Variants in KIF26B observed in about 807,000 individuals in gnomAD.
KIF26B encodes the protein kinesin family member 26B.
Under a neutral mutation model 151.2 loss-of-function variants are expected in KIF26B, and 63 were observed. The observed-to-expected ratio is 0.42, with a 90% confidence interval of 0.34 to 0.51. The LOEUF (loss-of-function observed/expected upper bound fraction) is 0.51. KIF26B is among the 20% of genes least tolerant of loss of function. KIF26B has a pLI of 0.07. For missense variants in KIF26B, 2,813 were observed against 2,913.6 expected (o/e 0.97, Z 0.79); for synonymous variants, 1,357 against 1,262.1 (o/e 1.08, Z -1.59).
In KIF26B at chr1:245,687,887, C is replaced by A; in HGVS notation, c.4904C>A (p.Ala1635Glu). ...SPLNQPAAFPAGLPDEPSGKT... is the reference protein window; with the variant it reads ...SPLNQPAAFPEGLPDEPSGKT... ...CTGAACCAACCAGCCGCCTTCCCGG[C>A]GGGCCTCCCAGACGAGCCTAGCGGC... is the stretch of plus-strand genomic sequence containing the variant. The change falls in exon 12 of 15, where the codon GCG (alanine) becomes GAG (glutamate). Residue 1635 changes from alanine to glutamate, a missense_variant. Physicochemically the swap from Ala to Glu is moderately radical, Grantham distance 107. Coordinates refer to ENST00000407071, the MANE Select transcript of KIF26B (RefSeq NM_018012.4). This position sits in a 1 kb window ranked among gnomAD's most constrained non-coding sequence, Gnocchi z 4.9. The A allele has an allele frequency of 1.3e-6, 2 of 1,590,966 alleles. No individual in the cohort carries two copies. The highest frequency in any genetic ancestry group is 1.7e-6 in the Non-Finnish European group (2 of 1,170,400).
chr1:245,670,071 C>A (rs2044264230), intron 10 of KIF26B, among the ~76,000 whole-genome samples: 1 of 152,036 alleles, frequency 6.6e-6, no homozygotes, highest in African/African-American at 2.4e-5. Context: ...TCTCAGACCT[C>A]ACCACTATAC....
chr1:245,652,103 T>TGTGTGG lies in KIF26B; in HGVS notation c.2258+5828_2258+5829insGGTGTG, dbSNP rs2044022978. Among the ~76,000 whole-genome samples the TGTGTGG allele has an allele frequency of 8.6e-4, 8 of 9,356 alleles. No individual in the cohort carries two copies. In the South Asian group the frequency reaches 0.047, roughly 55 times the overall value. 6.1% of individuals were successfully genotyped at this position (9,356 alleles called of 152,430 possible). A position where few individuals can be genotyped will look rare whatever the true frequency, so the allele number is the denominator to read the frequency against. On this transcript the variant is annotated intron_variant, in intron 10 of 14. Transcript: ENST00000407071. ...AAACGGAGAGGTTCATGTAAGAATC[T>TGTGTGG]GTGTGTGTGTGTGTGTGTGTGTGTG...
intron 9 of KIF26B, among the ~76,000 whole-genome samples, chr1:245,645,738 A>T (rs1203198368): frequency 6.6e-6 from 1 of 152,214 alleles, no homozygotes; most frequent in African/African-American, 2.4e-5. Flanking sequence ...CTCATGAGCC[A>T]TTCAGGTTTT....
At chr1:245,654,590 G>A (rs1372360665) in intron 10 of KIF26B, among the ~76,000 whole-genome samples, 1 of 152,234 alleles carries the variant, frequency 6.6e-6, no homozygotes, top group East Asian at 1.9e-4. Context: ...CACTTCCCAC[G>A]CCGCACTGAT....
intron 9 of KIF26B, among the ~76,000 whole-genome samples, chr1:245,627,043 AATAG>A (rs1252470084): frequency 6.6e-6 from 1 of 152,132 alleles, no homozygotes; most frequent in East Asian, 1.9e-4. Context: ...GTTGGCTGTA[AATAG>A]ATAGATTTAT....
At chr1:245,299,782 C>T (rs945538722) in intron 2 of KIF26B, among the ~76,000 whole-genome samples, 1 of 152,162 alleles carries the variant, frequency 6.6e-6, no homozygotes, top group East Asian at 1.9e-4. Flanking sequence ...AAATCCCATT[C>T]GAGTAAATAA....
At chr1:245,213,833 C>G (rs374430570) in intron 2 of KIF26B, among the ~76,000 whole-genome samples, 4 of 152,304 alleles carry the variant, frequency 2.6e-5, no homozygotes, top group African/African-American at 9.6e-5. Context: ...GAGGATGGAG[C>G]CTGGGGCTAC....
At position 245,686,356 on chromosome 1, in the gene KIF26B, C is replaced by T. The variant is rs930866001; in HGVS notation, c.3373C>T (p.Arg1125Cys). The change falls in exon 12 of 15, where the codon CGT becomes TGT. Residue 1125 changes from arginine to cysteine, a missense_variant. Transcript: ENST00000407071. This position sits in a 1 kb window ranked among gnomAD's most constrained non-coding sequence, Gnocchi z 5.6. ...SRESLLQPEV[R>C]TPPVGMSPQV... ...GGAGTCCTTGCTGCAGCCCGAGGTG[C>T]GTACGCCCCCGGTTGGAATGAGCCC... 13 of 1,613,226 alleles carry T rather than the reference C, an allele frequency of 8.1e-6. No homozygotes were observed. The highest frequency in any genetic ancestry group is 4.5e-5 in the East Asian group (2 of 44,884).
At chr1:245,177,069 C>T (rs543482122) in intron 2 of KIF26B, among the ~76,000 whole-genome samples, 1 of 152,334 alleles carries the variant, frequency 6.6e-6, no homozygotes, top group East Asian at 1.9e-4. Flanking sequence ...ATCTGCTTGC[C>T]TCAGCCTCCT....
At chr1:245,332,618 T>C (rs1483766659) in intron 2 of KIF26B, among the ~76,000 whole-genome samples, 1 of 152,086 alleles carries the variant, frequency 6.6e-6, no homozygotes, top group Non-Finnish European at 1.5e-5. Flanking sequence ...ACTGCTGACA[T>C]GTTGTGAGTC....
At chr1:245,189,375 A>G (rs1482300754) in intron 2 of KIF26B, among the ~76,000 whole-genome samples, 1 of 152,202 alleles carries the variant, frequency 6.6e-6, no homozygotes, top group African/African-American at 2.4e-5. Flanking sequence ...AAAGATAATG[A>G]TGTTTCCTAG....
At chr1:245,697,927 A>G (rs144352248) in intron 12 of KIF26B, among the ~76,000 whole-genome samples, 179 bp from the exon 13 acceptor site, 53 of 150,212 alleles carry the variant, frequency 3.5e-4, no homozygotes, top group African/African-American at 1.3e-3. Context: ...TGTTATCCCA[A>G]CTACTTAGGA....
intron 5 of KIF26B, among the ~76,000 whole-genome samples, chr1:245,544,423 C>T (rs766581687): frequency 3.3e-5 from 5 of 152,094 alleles, no homozygotes; most frequent in African/African-American, 9.7e-5. Flanking sequence ...AGTGTTGTCA[C>T]CCAGCCGGAC....
intron 4 of KIF26B, among the ~76,000 whole-genome samples, chr1:245,471,262 C>A (rs1312264287): frequency 6.6e-6 from 1 of 152,016 alleles, no homozygotes; most frequent in Non-Finnish European, 1.5e-5. Flanking sequence ...TCCCGAGTAG[C>A]TGGGATTACA....
chr1:245,693,430 G>A (rs990956796), intron 12 of KIF26B, among the ~76,000 whole-genome samples: 2 of 152,196 alleles, frequency 1.3e-5, no homozygotes, highest in African/African-American at 4.8e-5. Context: ...ATTCATTGAT[G>A]GGCTGGTTGC....
At chr1:245,349,133 T>G (rs1292444489) in intron 2 of KIF26B, among the ~76,000 whole-genome samples, 1 of 152,156 alleles carries the variant, frequency 6.6e-6, no homozygotes, top group Non-Finnish European at 1.5e-5. Flanking sequence ...GTATAATAGG[T>G]GCTCGATAAA....
intron 3 of KIF26B, among the ~76,000 whole-genome samples, chr1:245,397,902 G>A (rs1001610306): frequency 2.6e-5 from 4 of 152,190 alleles, no homozygotes; most frequent in South Asian, 2.1e-4. Context: ...GCATGTGGAC[G>A]AGGTCCAGAT....
rs1188478355 is a variant in KIF26B at position 245,307,886 on chromosome 1, G to A, written c.466-58948G>A. 3.3e-5 allele frequency among the ~76,000 whole-genome samples: 5 copies of A among 152,220 alleles called. No homozygotes were observed. The East Asian group carries it at 9.6e-4, about 29-fold the overall frequency. On this transcript the variant is annotated intron_variant, in intron 2 of 14. Coordinates refer to ENST00000407071, the MANE Select transcript of KIF26B (RefSeq NM_018012.4). ...CTCCCAAGTAGCTGGGACTACAGGT[G>A]CCCGCCACCACGCCCGGCTAATTTT...
rs10924121 is a variant in KIF26B, at chr1:245,218,700, A to G, written c.465+62017A>G. 0.21 allele frequency among the ~76,000 whole-genome samples: 32,332 copies of G among 152,118 alleles called. 3,776 individuals are homozygous for G. Among genetic ancestry groups the G allele is most frequent in the East Asian group, 0.53 (2,765 of 5,176 alleles). On this transcript the variant is annotated intron_variant, in intron 2 of 14. Coordinates refer to ENST00000407071, the MANE Select transcript of KIF26B (RefSeq NM_018012.4). This position sits in a 1 kb window ranked among gnomAD's most constrained non-coding sequence, Gnocchi z 4.1. ...AATGTCTATTTCACATGTGCGCTCT[A>G]GCTCAGAATTTTAATAAGCAAATAT...
Sources: allele counts gnomAD v4.1 joint callset (sites outside exome capture counted in the v4.1 genomes callset), GRCh38; gene constraint gnomAD v4.1.1; non-coding constraint Gnocchi (gnomAD v3.1); transcripts MANE v1.5; gene names NCBI Gene and HGNC (gene_info 2026-07-23, HGNC 2026-07-21).